TCF12: variants seen among roughly 807,000 people sequenced by gnomAD.
TCF12 encodes the protein transcription factor 12.
TCF12 carries 45 observed loss-of-function variants against 86.0 expected under a neutral mutation model. The observed-to-expected ratio is 0.52, with a 90% confidence interval of 0.41 to 0.67. The LOEUF is 0.67. Ranked by LOEUF, TCF12 falls within the 30% of genes least tolerant of loss-of-function variation. TCF12 has a pLI of 0.00. For missense variants in TCF12, 881 were observed against 859.9 expected, an observed-to-expected ratio of 1.02 and a Z score of -0.31; for synonymous variants, 330 against 299.6, an observed-to-expected ratio of 1.10 and a Z score of -1.05.
intron 18 of TCF12, among the ~76,000 whole-genome samples, chr15:57,269,360 C>CTTTTTTTTTTTTTTTTTTTTT (rs56700978): frequency 6.3e-5 from 2 of 32,000 alleles, no homozygotes; most frequent in Non-Finnish European, 1.0e-4. Flanking sequence ...ACAACCCCTG[C>CTTTTTTTTTTTTTTTTTTTTT]TTTTTTTTTT....
rs78101409 is a variant in TCF12 at position 57,192,389 on chromosome 15, C to G, written c.526+96C>G. 109 of 1,365,160 alleles carry G rather than the reference C, an allele frequency of 8.0e-5. No individual in the cohort carries two copies. In the East Asian group the frequency reaches 2.5e-3, roughly 31 times the overall value. The allele number at this position is 1,365,160 out of a possible 1,614,324, so 84.6% of individuals were successfully genotyped here. On this transcript the variant is annotated intron_variant, in intron 7 of 20. Transcript: ENST00000333725. Reference sequence around the variant, plus strand: ...TCTGGCTATGCTTTTTTTTTTTTTTCTTTCCGTTTCTTTGTTTAAGACAGC... The same window carrying G: ...TCTGGCTATGCTTTTTTTTTTTTTTGTTTCCGTTTCTTTGTTTAAGACAGC...
intron 18 of TCF12, among the ~76,000 whole-genome samples, chr15:57,265,707 G>T (rs2060830934): frequency 6.6e-6 from 1 of 152,162 alleles, no homozygotes; most frequent in African/African-American, 2.4e-5. Flanking sequence ...GTTTTATTAT[G>T]TGTCATTTTC....
intron 5 of TCF12, among the ~76,000 whole-genome samples, chr15:57,163,679 T>C (rs1444787538): frequency 1.3e-5 from 2 of 152,216 alleles, no homozygotes; most frequent in African/African-American, 4.8e-5. Context: ...CTCTAGCCTG[T>C]ACGACAGAGC....
At chr15:56,972,069 T>C (rs536009020) in intron 3 of TCF12, among the ~76,000 whole-genome samples, 28 of 152,326 alleles carry the variant, frequency 1.8e-4, no homozygotes, top group African/African-American at 6.5e-4. Context: ...AATTATAGGG[T>C]ATATGAATTT....
chr15:57,204,104 A>G (rs1267174099), intron 8 of TCF12, among the ~76,000 whole-genome samples: 1 of 152,212 alleles, frequency 6.6e-6, no homozygotes, highest in Admixed American at 6.5e-5. Flanking sequence ...GCAGACAGTT[A>G]CAAAGTTCAG....
chr15:57,196,570 A>ATT (rs1359496403), intron 7 of TCF12, among the ~76,000 whole-genome samples: 1 of 152,094 alleles, frequency 6.6e-6, no homozygotes, highest in South Asian at 2.1e-4. Context: ...AATTTGATCC[A>ATT]TTTTTTGTGT....
At chr15:57,247,540 A>G in intron 13 of TCF12, 1 of 920,542 alleles carries the variant, frequency 1.1e-6, no homozygotes, top group Non-Finnish European at 1.8e-6. Context: ...AAGTTATAAA[A>G]GCAAATCCTG....
chr15:56,967,976 G>A (rs2062086309), intron 3 of TCF12, among the ~76,000 whole-genome samples: 1 of 151,952 alleles, frequency 6.6e-6, no homozygotes, highest in Non-Finnish European at 1.5e-5. Flanking sequence ...GTTTTTTTGA[G>A]GCAGAGCCTT....
At chr15:57,072,793 G>C in intron 4 of TCF12, 2 of 972,442 alleles carry the variant, frequency 2.1e-6, no homozygotes, top group South Asian at 3.4e-5. Flanking sequence ...TGAATGTTCT[G>C]AATGTGAAGA....
At chr15:57,173,712 T>C (rs972684889) in intron 6 of TCF12, among the ~76,000 whole-genome samples, 1 of 151,750 alleles carries the variant, frequency 6.6e-6, no homozygotes, top group Admixed American at 6.6e-5. Flanking sequence ...TATCTTTTTT[T>C]CTTTTTTTTT....
chr15:56,996,526 A>G (rs2063723501), intron 3 of TCF12, among the ~76,000 whole-genome samples: 1 of 152,134 alleles, frequency 6.6e-6, no homozygotes, highest in African/African-American at 2.4e-5. Flanking sequence ...AAGACCTCAG[A>G]CTTTACAAAT....
At chr15:57,200,976 C>T (rs1240704877) in intron 8 of TCF12, among the ~76,000 whole-genome samples, 2 of 152,200 alleles carry the variant, frequency 1.3e-5, no homozygotes, top group East Asian at 3.9e-4. Flanking sequence ...GTGGGAAATT[C>T]GAAGTTCCTT....
intron 3 of TCF12, among the ~76,000 whole-genome samples, chr15:56,950,960 T>C (rs1265767070): frequency 6.6e-6 from 1 of 151,898 alleles, no homozygotes; most frequent in African/African-American, 2.4e-5. Flanking sequence ...TTCTCTATGT[T>C]GGTCAGGCTG....
At chr15:56,995,315 AT>A (rs1446131837) in intron 3 of TCF12, among the ~76,000 whole-genome samples, 1 of 115,630 alleles carries the variant, frequency 8.6e-6, no homozygotes, top group Non-Finnish European at 1.8e-5. Context: ...GAATTTTAGA[AT>A]AGTTTTTTTC....
rs114470817 is a variant in TCF12, at chr15:57,287,066, T to C, written c.*921T>C. On this transcript the variant is annotated 3_prime_UTR_variant, in exon 21 of 21. Transcript: ENST00000333725. The stretch of plus-strand genomic sequence containing the variant: ...CTAGATCTCATAGGAAAGCTTGTAA[T>C]AGCAAAATTGTAAATTACAAGGGAA... The C allele has an allele frequency of 0.011, 1,779 of 162,164 alleles. 33 individuals are homozygous for C. Among genetic ancestry groups the C allele is most frequent in the African/African-American group, 0.04 (1,653 of 41,706 alleles). 10.0% of individuals were successfully genotyped at this position (162,164 alleles called of 1,614,324 possible).
At chr15:56,993,275 C>G (rs1408647488) in intron 3 of TCF12, among the ~76,000 whole-genome samples, 2 of 152,150 alleles carry the variant, frequency 1.3e-5, no homozygotes, top group African/African-American at 4.8e-5. Context: ...CTCTCATGCC[C>G]TATTCCCAAG....
At chr15:56,923,177 T>G (rs2059866025) in intron 3 of TCF12, among the ~76,000 whole-genome samples, 1 of 152,072 alleles carries the variant, frequency 6.6e-6, no homozygotes, top group Non-Finnish European at 1.5e-5. Flanking sequence ...GTAATTTCCT[T>G]TCTTATTTGT....
At chr15:57,151,783 G>C (rs2053778399) in intron 5 of TCF12, among the ~76,000 whole-genome samples, 1 of 142,844 alleles carries the variant, frequency 7.0e-6, no homozygotes, top group Non-Finnish European at 1.5e-5. Context: ...AAAAAAAAAA[G>C]CCTGATAAAC....
Position 57,232,374 on chromosome 15 carries a change from A to T in TCF12, c.769A>T (p.Thr257Ser). 1 of 1,613,664 alleles carries T rather than the reference A, an allele frequency of 6.2e-7. No individual in the cohort carries two copies. The highest frequency in any genetic ancestry group is 8.5e-7 in the Non-Finnish European group (1 of 1,179,852). The stretch of plus-strand genomic sequence containing the variant: ...TTTTGGTGGAATTCTGGGGACCTCC[A>T]CTTCCCACATGTCTCAATCCAGTAG... ...PGFGGILGTSTSHMSQSSSYG... is the reference protein window; with the variant it reads ...PGFGGILGTSSSHMSQSSSYG... The change falls in exon 10 of 21, where the codon ACT (threonine) becomes TCT (serine). Residue 257 changes from threonine (T) to serine (S), a missense_variant. Thr to Ser is a moderately conservative substitution (Grantham distance 58). This residue lies in a region of TCF12 where 766 missense variants were observed against 718.9 expected (regional missense o/e 1.07). Transcript: ENST00000333725.
Sources: gnomAD v4.1 joint callset for allele counts (sites outside exome capture counted in the v4.1 genomes callset) on GRCh38, gnomAD v4.1.1 for gene constraint, gnomAD v4.1.1 regional missense constraint, MANE v1.5 for transcripts, NCBI Gene and HGNC (gene_info 2026-07-23, HGNC 2026-07-21) for gene names.